The following SCN1A variants were observed in gnomAD, a reference collection of about 807,000 sequenced individuals.
SCN1A encodes the protein sodium channel protein type 1 subunit alpha.
Under a neutral mutation model 193.7 loss-of-function variants are expected in SCN1A, and 13 were observed. The observed-to-expected ratio is 0.07, with a 90% confidence interval of 0.04 to 0.11. SCN1A has a LOEUF of 0.11. Ranked by LOEUF, SCN1A falls within the 10% of genes least tolerant of loss-of-function variation. The pLI is 1.00. For synonymous variants in SCN1A, 781 were observed against 843.6 expected, an observed-to-expected ratio of 0.93 and a Z score of 1.29; for missense variants, 1,432 against 2,451.1, an observed-to-expected ratio of 0.58 and a Z score of 8.78.
In SCN1A at chr2:166,039,017, A is replaced by C. The variant is rs534426234; in HGVS notation, c.2589+406T>G. Among the ~76,000 whole-genome samples the C allele has an allele frequency of 1.3e-4, 20 of 152,328 alleles. No homozygotes were observed. The East Asian group carries it at 2.1e-3, about 16-fold the overall frequency. On this transcript the variant is annotated intron_variant, in intron 17 of 28. Transcript: ENST00000674923. Reference sequence around the variant, plus strand: ...CGCAAGATGCATATTTTCCAGAGACAGAATTAGAAAAAGTTTCTGCATGCA... The same window carrying C: ...CGCAAGATGCATATTTTCCAGAGACCGAATTAGAAAAAGTTTCTGCATGCA...
intron 26 of SCN1A, among the ~76,000 whole-genome samples, chr2:165,997,372 T>C (rs574454604): frequency 6.6e-6 from 1 of 151,454 alleles, no homozygotes; most frequent in South Asian, 2.1e-4. Flanking sequence ...TGTGCAGAAA[T>C]ACTCTGAACA....
At chr2:166,011,977 T>C (rs1214971959) in intron 22 of SCN1A, 132 bp downstream of exon 22, 3 of 761,390 alleles carry the variant, frequency 3.9e-6, no homozygotes, top group African/African-American at 3.5e-5. Flanking sequence ...GACACTCTCA[T>C]TGCATATATG....
intron 2 of SCN1A, among the ~76,000 whole-genome samples, chr2:166,113,670 G>C (rs892351941): frequency 6.6e-6 from 1 of 152,114 alleles, no homozygotes; most frequent in East Asian, 1.9e-4. Context: ...GTTATTGCTA[G>C]AGGGCAAGAA....
At position 166,036,034 on chromosome 2, in the gene SCN1A, C is replaced by A. The variant is rs1462589860; in HGVS notation, c.3429+14G>T. On this transcript the variant is annotated intron_variant, in intron 19 of 28. Coordinates refer to ENST00000674923, the MANE Select transcript of SCN1A (RefSeq NM_001165963.4). ...TATATGTATTCATACCTTCCCACAC[C>A]TATAGAATCTTACCTCTTTGCTTTC... 4 of 1,612,362 alleles carry A rather than the reference C, an allele frequency of 2.5e-6. No homozygotes were observed. The highest frequency in any genetic ancestry group is 3.4e-6 in the Non-Finnish European group (4 of 1,179,254).
At chr2:166,116,344 A>G (rs1422473571) in intron 2 of SCN1A, among the ~76,000 whole-genome samples, 1 of 152,178 alleles carries the variant, frequency 6.6e-6, no homozygotes, top group African/African-American at 2.4e-5. Flanking sequence ...TATATTTTAT[A>G]ATCCTCTGAT....
chr2:166,013,595 G>C (rs868586727), intron 21 of SCN1A, 149 bp downstream of exon 21: 14 of 701,962 alleles, frequency 2.0e-5, no homozygotes, highest in Middle Eastern at 5.8e-4. Context: ...CAGAAATATA[G>C]AGTTATAGAG....
chr2:166,122,921 A>G (rs592324), intron 2 of SCN1A, among the ~76,000 whole-genome samples: 118,725 of 152,072 alleles, frequency 0.78, 47,174 homozygotes, highest in Non-Finnish European at 0.86. Flanking sequence ...TAGAGCACCA[A>G]AGGAGAAACA....
intron 4 of SCN1A, among the ~76,000 whole-genome samples, chr2:166,065,447 C>G (rs1683738425): frequency 6.6e-6 from 1 of 151,990 alleles, no homozygotes; most frequent in Non-Finnish European, 1.5e-5. Flanking sequence ...ATTTTTTCCC[C>G]AAGGACTTTA....
chr2:166,059,833 A>G (rs62179389), intron 4 of SCN1A, among the ~76,000 whole-genome samples: 275 of 152,304 alleles, frequency 1.8e-3, no homozygotes, highest in Middle Eastern at 3.4e-3. Context: ...AAATTCAAGT[A>G]AAGCAAACCC....
intron 9 of SCN1A, among the ~76,000 whole-genome samples, chr2:166,050,166 G>A (rs1305842220): frequency 6.6e-6 from 1 of 151,818 alleles, no homozygotes; most frequent in Non-Finnish European, 1.5e-5. Context: ...ATGAATTTTT[G>A]ATATCTCATA....
At chr2:166,031,473 G>A (rs1324440043) in intron 19 of SCN1A, among the ~76,000 whole-genome samples, 2 of 151,960 alleles carry the variant, frequency 1.3e-5, no homozygotes, top group Admixed American at 1.3e-4. Flanking sequence ...ATGCCCCTTA[G>A]AAAAGTAATT....
intron 4 of SCN1A, among the ~76,000 whole-genome samples, chr2:166,067,095 A>G (rs1374087460): frequency 6.6e-6 from 1 of 152,056 alleles, no homozygotes; most frequent in Non-Finnish European, 1.5e-5. Context: ...AGAGGCACAC[A>G]ATTTAAATTT....
chr2:166,116,206 G>A (rs1219245499), intron 2 of SCN1A, among the ~76,000 whole-genome samples: 1 of 152,224 alleles, frequency 6.6e-6, no homozygotes, highest in East Asian at 1.9e-4. Context: ...GTCACTGGTG[G>A]TAGTATGGAG....
chr2:166,144,286 A>G (rs1445464911), intron 1 of SCN1A, among the ~76,000 whole-genome samples: 1 of 152,204 alleles, frequency 6.6e-6, no homozygotes, highest in African/African-American at 2.4e-5. Context: ...GTCTGTTGCT[A>G]TGTTCTGCAT....
At chr2:166,070,619 A>G (rs1684313809) in intron 4 of SCN1A, among the ~76,000 whole-genome samples, 1 of 152,140 alleles carries the variant, frequency 6.6e-6, no homozygotes, top group African/African-American at 2.4e-5. Flanking sequence ...TCTTTTGAGT[A>G]TTTTGAAAAT....
intron 12 of SCN1A, among the ~76,000 whole-genome samples, chr2:166,046,175 C>T (rs1452258496): frequency 6.6e-6 from 1 of 152,114 alleles, no homozygotes; most frequent in Non-Finnish European, 1.5e-5. Context: ...ATAGGAGAGG[C>T]ATTTTATGAT....
intron 2 of SCN1A, among the ~76,000 whole-genome samples, chr2:166,119,935 A>G (rs1334701161): frequency 6.6e-6 from 1 of 152,044 alleles, no homozygotes; most frequent in Non-Finnish European, 1.5e-5. Context: ...TTTATTTTGA[A>G]CTTTATTTTA....
chr2:166,039,744 G>A, intron 16 of SCN1A, 148 bp from the exon 17 acceptor site: 4 of 706,926 alleles, frequency 5.7e-6, no homozygotes, highest in South Asian at 1.8e-5. Context: ...GTTGATGAAA[G>A]ACTTTCATAT....
In SCN1A at chr2:166,101,905, C is replaced by G. The variant is rs905950528; in HGVS notation, c.-141-24104G>C. 3.9e-5 allele frequency among the ~76,000 whole-genome samples: 6 copies of G among 152,200 alleles called. No homozygotes were observed. The East Asian group carries it at 5.8e-4, about 15-fold the overall frequency. ...ATTAAAATAAAGAGCATCTGCACAACAAAAACAAAACTATCAATAGAGTAA... is the reference window on the plus strand; with the variant it reads ...ATTAAAATAAAGAGCATCTGCACAAGAAAAACAAAACTATCAATAGAGTAA... On this transcript the variant is annotated intron_variant, in intron 2 of 28. Coordinates refer to ENST00000674923, the MANE Select transcript of SCN1A (RefSeq NM_001165963.4).
Sources: gnomAD v4.1 joint callset for allele counts (sites outside exome capture counted in the v4.1 genomes callset) on GRCh38, gnomAD v4.1.1 for gene constraint, MANE v1.5 for transcripts, NCBI Gene and HGNC (gene_info 2026-07-23, HGNC 2026-07-21) for gene names.